RUNDC3B: variants seen among roughly 807,000 people sequenced by gnomAD.
RUNDC3B encodes RUN domain containing 3B.
RUNDC3B carries 33 observed loss-of-function variants against 58.4 expected under a neutral mutation model. The observed-to-expected ratio is 0.56, with a 90% CI of 0.43 to 0.75. The LOEUF is 0.75. Ranked by LOEUF, RUNDC3B falls within the 30% of genes least tolerant of loss-of-function variation. The pLI is 0.00. For missense variants in RUNDC3B, 501 were observed against 535.7 expected (o/e 0.94, Z 0.64); for synonymous variants, 193 against 195.2 (o/e 0.99, Z 0.10).
chr7:87,735,513 A>C (rs949435315), intron 4 of RUNDC3B, among the ~76,000 whole-genome samples: 3 of 152,216 alleles, frequency 2.0e-5, no homozygotes, highest in Non-Finnish European at 2.9e-5. Flanking sequence ...TCCTGGAGTC[A>C]GATCCTGGTT....
chr7:87,821,981 G>T (rs1225340502), intron 10 of RUNDC3B, among the ~76,000 whole-genome samples: 1 of 151,834 alleles, frequency 6.6e-6, no homozygotes, highest in East Asian at 1.9e-4. Flanking sequence ...ATAGGCATGG[G>T]CAAGGACTTC....
chr7:87,732,330 A>G (rs1831631423), intron 4 of RUNDC3B, among the ~76,000 whole-genome samples: 1 of 152,192 alleles, frequency 6.6e-6, no homozygotes. Flanking sequence ...CTACTTAATG[A>G]TATATCTTAA....
At chr7:87,784,702 T>C (rs1430039077) in intron 8 of RUNDC3B, among the ~76,000 whole-genome samples, 1 of 112,018 alleles carries the variant, frequency 8.9e-6, no homozygotes, top group African/African-American at 3.5e-5. Context: ...AGAGATGTGG[T>C]GGTAGGGGAG....
chr7:87,644,055 C>T (rs1822731169), intron 1 of RUNDC3B, among the ~76,000 whole-genome samples: 2 of 152,102 alleles, frequency 1.3e-5, no homozygotes, highest in South Asian at 4.1e-4. Context: ...GATGGAGTTT[C>T]ACCATGTTGG....
At chr7:87,739,139 AATG>A (rs1227862365) in intron 4 of RUNDC3B, among the ~76,000 whole-genome samples, 3 of 152,002 alleles carry the variant, frequency 2.0e-5, no homozygotes, top group African/African-American at 7.2e-5. Flanking sequence ...TTTAAAAACT[AATG>A]ATAACTAAAA....
chr7:87,767,935 G>A (rs982838793), intron 6 of RUNDC3B, among the ~76,000 whole-genome samples: 10 of 152,108 alleles, frequency 6.6e-5, no homozygotes, highest in African/African-American at 2.4e-4. Flanking sequence ...ATGCCTGTCT[G>A]TCTACTACCA....
At chr7:87,679,667 A>T (rs753188586) in intron 2 of RUNDC3B, among the ~76,000 whole-genome samples, 1 of 150,328 alleles carries the variant, frequency 6.7e-6, no homozygotes, top group South Asian at 2.1e-4. Flanking sequence ...TGAGATTACA[A>T]GTGTGAACCA....
chr7:87,752,955 T>G (rs1457210588), intron 6 of RUNDC3B, among the ~76,000 whole-genome samples: 12 of 151,686 alleles, frequency 7.9e-5, no homozygotes, highest in Non-Finnish European at 7.4e-5. Flanking sequence ...CTAGTTCTTT[T>G]AATTGTGATG....
At chr7:87,765,333 G>C (rs1400553935) in intron 6 of RUNDC3B, among the ~76,000 whole-genome samples, 4 of 151,432 alleles carry the variant, frequency 2.6e-5, no homozygotes, top group Non-Finnish European at 1.5e-5. Flanking sequence ...TCTGTCTTCT[G>C]CTACTTTTGA....
chr7:87,792,144 C>T (rs1193310096), intron 8 of RUNDC3B, among the ~76,000 whole-genome samples: 1 of 151,934 alleles, frequency 6.6e-6, no homozygotes, highest in Non-Finnish European at 1.5e-5. Flanking sequence ...ATAAAGGGAC[C>T]AATTCAGTAG....
chr7:87,804,735 A>G (rs978824955), intron 8 of RUNDC3B, among the ~76,000 whole-genome samples: 4 of 152,200 alleles, frequency 2.6e-5, no homozygotes, highest in Non-Finnish European at 5.9e-5. Flanking sequence ...TAGATAGCAG[A>G]CTAATTTCAG....
At chr7:87,713,506 T>TC (rs1395982928) in intron 4 of RUNDC3B, among the ~76,000 whole-genome samples, 1 of 152,072 alleles carries the variant, frequency 6.6e-6, no homozygotes, top group African/African-American at 2.4e-5. Context: ...TGCTAAGGTG[T>TC]AGGACGTCTT....
chr7:87,725,961 G>T lies in RUNDC3B; in HGVS notation c.459-13830G>T, dbSNP rs922217481. 7.6e-4 allele frequency among the ~76,000 whole-genome samples: 115 copies of T among 151,816 alleles called. 1 individual carries two copies. Among genetic ancestry groups the T allele is most frequent in the Non-Finnish European group, 2.2e-4 (15 of 67,970 alleles). On this transcript the variant is annotated intron_variant, in intron 4 of 10. Transcript: ENST00000394654. ...TTGTTTATTTTTTTCTTGTAAATTT[G>T]CCTGAGTTCTTTGTAGATTCTGGAT...
At chr7:87,735,753 T>C (rs942866106) in intron 4 of RUNDC3B, among the ~76,000 whole-genome samples, 2 of 152,190 alleles carry the variant, frequency 1.3e-5, no homozygotes, top group African/African-American at 4.8e-5. Flanking sequence ...TTAATGACTT[T>C]CCAAAGTTGG....
At chr7:87,760,070 T>G (rs937311240) in intron 6 of RUNDC3B, among the ~76,000 whole-genome samples, 1 of 117,584 alleles carries the variant, frequency 8.5e-6, no homozygotes, top group Admixed American at 8.3e-5. Context: ...GATACAGGGG[T>G]TTTTTTTTTT....
intron 2 of RUNDC3B, among the ~76,000 whole-genome samples, chr7:87,696,277 AAAGG>A (rs774371043): frequency 1.3e-5 from 2 of 152,138 alleles, no homozygotes; most frequent in Non-Finnish European, 2.9e-5. Flanking sequence ...GGTTATTTTT[AAAGG>A]AAGTCAAAGT....
chr7:87,736,039 G>A (rs1831909757), intron 4 of RUNDC3B, among the ~76,000 whole-genome samples: 1 of 152,072 alleles, frequency 6.6e-6, no homozygotes, highest in African/African-American at 2.4e-5. Flanking sequence ...TTTTTCATCA[G>A]TTTTTCATTT....
chr7:87,774,695 C>A (rs887123081), intron 7 of RUNDC3B, among the ~76,000 whole-genome samples: 1 of 152,168 alleles, frequency 6.6e-6, no homozygotes, highest in South Asian at 2.1e-4. Flanking sequence ...TCTTTCCAAT[C>A]CCCCGCCAAA....
intron 2 of RUNDC3B, among the ~76,000 whole-genome samples, chr7:87,679,087 CTTT>C (rs35353390): frequency 2.8e-4 from 17 of 60,756 alleles, no homozygotes; most frequent in South Asian, 6.3e-4. Flanking sequence ...AACACCCCAA[CTTT>C]TTTTTTTTTT....
Sources: gnomAD v4.1 joint callset for allele counts (sites outside exome capture counted in the v4.1 genomes callset) on GRCh38, gnomAD v4.1.1 for gene constraint, MANE v1.5 for transcripts, NCBI Gene and HGNC (gene_info 2026-07-23, HGNC 2026-07-21) for gene names.